SDK2: variants seen among roughly 807,000 people sequenced by gnomAD.
SDK2 encodes sidekick cell adhesion molecule 2, also known as protein sidekick-2.
SDK2 carries 105 observed loss-of-function variants against 253.9 expected under a neutral mutation model. The ratio of observed to expected loss-of-function variants is 0.41; its 90% CI spans 0.35 to 0.49. The LOEUF (loss-of-function observed/expected upper bound fraction) is 0.49, where lower values mean the gene tolerates loss of function less well. Among genes scored for constraint, SDK2 ranks in the 20% least tolerant of loss-of-function variants. The probability of loss-of-function intolerance (pLI) is 0.06; values close to 1 mark genes in which losing one functional copy is unlikely to be tolerated. For synonymous variants in SDK2, 1,249 were observed against 1,234.9 expected, an observed-to-expected ratio of 1.01 and a Z score of -0.24; for missense variants, 2,608 against 3,003.0, an observed-to-expected ratio of 0.87 and a Z score of 3.07.
chr17:73,568,152 C>A (rs996140346), intron 1 of SDK2, among the ~76,000 whole-genome samples: 1 of 152,166 alleles, frequency 6.6e-6, no homozygotes, highest in Admixed American at 6.5e-5. Flanking sequence ...TCCCTTGGTG[C>A]CCTTCCCACG....
intron 12 of SDK2, 81 bp downstream of exon 12, chr17:73,430,430 A>T: frequency 9.4e-7 from 1 of 1,069,222 alleles, no homozygotes; most frequent in Non-Finnish European, 1.4e-6. Flanking sequence ...TACCTCCCTA[A>T]TGTGGACACT....
At chr17:73,420,327 T>G (rs929198446) in intron 15 of SDK2, among the ~76,000 whole-genome samples, 2 of 152,252 alleles carry the variant, frequency 1.3e-5, no homozygotes, top group African/African-American at 4.8e-5. Context: ...TTCCTAAGCA[T>G]GCTGCTCGCT....
rs967495084 is a variant in SDK2 at position 73,336,600 on chromosome 17, C to G, written c.*1987G>C. On this transcript the variant is annotated 3_prime_UTR_variant, in exon 45 of 45. Transcript: ENST00000392650. ...GTGCCCGTTCTTTGGGCCCCAGACC[C>G]TGACTTCCCTTCCCGGTCACCATTA... is the stretch of plus-strand genomic sequence containing the variant. The G allele has an allele frequency of 1.3e-5, 2 of 152,700 alleles. No individual in the cohort carries two copies. Among genetic ancestry groups the G allele is most frequent in the African/African-American group, 4.8e-5 (2 of 41,456 alleles). The allele number at this position is 152,700 out of a possible 1,614,324, so 9.5% of individuals were successfully genotyped here. A position where few individuals can be genotyped will look rare whatever the true frequency, so the allele number is the denominator to read the frequency against.
intron 1 of SDK2, among the ~76,000 whole-genome samples, chr17:73,548,723 G>A (rs573258628): frequency 4.6e-5 from 7 of 152,328 alleles, no homozygotes; most frequent in Admixed American, 1.3e-4. Flanking sequence ...CCCAGTCCTT[G>A]CACACTGTCT....
At chr17:73,584,221 G>T (rs1002840543) in intron 1 of SDK2, among the ~76,000 whole-genome samples, 37 of 152,320 alleles carry the variant, frequency 2.4e-4, no homozygotes, top group Middle Eastern at 3.4e-3. Context: ...CGCCTGCTCT[G>T]CACACCTTCT....
chr17:73,493,293 C>T (rs1432541751), intron 2 of SDK2, among the ~76,000 whole-genome samples: 1 of 152,216 alleles, frequency 6.6e-6, no homozygotes, highest in African/African-American at 2.4e-5. Context: ...TAAATAGCCT[C>T]AGTTCATCAG....
intron 1 of SDK2, among the ~76,000 whole-genome samples, chr17:73,509,687 T>G (rs1383844735): frequency 6.8e-6 from 1 of 146,674 alleles, no homozygotes; most frequent in African/African-American, 2.5e-5. Context: ...TTGCCTGAGA[T>G]CAGGAGTAAC....
chr17:73,604,120 G>A (rs983678661), intron 1 of SDK2, among the ~76,000 whole-genome samples: 4 of 152,258 alleles, frequency 2.6e-5, no homozygotes, highest in Non-Finnish European at 5.9e-5. Flanking sequence ...GGCCAGGAGA[G>A]TGTTTATTTC....
At chr17:73,502,364 G>C (rs1422755421) in intron 2 of SDK2, among the ~76,000 whole-genome samples, 1 of 152,168 alleles carries the variant, frequency 6.6e-6, no homozygotes, top group Non-Finnish European at 1.5e-5. Flanking sequence ...AGAGCCGTGG[G>C]CTATGAAGCT....
chr17:73,419,417 C>T, intron 15 of SDK2, 111 bp from the exon 16 acceptor site: 1 of 1,205,034 alleles, frequency 8.3e-7, no homozygotes, highest in Non-Finnish European at 1.2e-6. Flanking sequence ...TTCGGTACAA[C>T]TGCTGTGTGC....
intron 2 of SDK2, among the ~76,000 whole-genome samples, chr17:73,488,592 CTTT>C (rs35545969): frequency 1.4e-5 from 2 of 143,508 alleles, no homozygotes. Flanking sequence ...GGTGTTGCAA[CTTT>C]TTTTTTTTTT....
At position 73,534,847 on chromosome 17, in the gene SDK2, C is replaced by T. The variant is rs1369789317; in HGVS notation, c.65-27250G>A. Among the ~76,000 whole-genome samples the T allele has an allele frequency of 6.6e-6, 1 of 152,144 alleles. No homozygotes were observed. Among genetic ancestry groups the T allele is most frequent in the Non-Finnish European group, 1.5e-5 (1 of 68,036 alleles). On this transcript the variant is annotated intron_variant, in intron 1 of 44. Coordinates refer to ENST00000392650, the MANE Select transcript of SDK2 (RefSeq NM_001144952.2). The surrounding 1 kb of genome is among the most constrained non-coding windows in gnomAD (Gnocchi z 4.9). ...GGCAGCGGGCCGGGCTCCCTGGACTCCTTTGCATCTTCTAGGCCTCCTTGT... is the reference window on the plus strand; with the variant it reads ...GGCAGCGGGCCGGGCTCCCTGGACTTCTTTGCATCTTCTAGGCCTCCTTGT...
At chr17:73,390,824 G>A (rs947381399) in intron 28 of SDK2, among the ~76,000 whole-genome samples, 4 of 152,220 alleles carry the variant, frequency 2.6e-5, no homozygotes, top group African/African-American at 7.2e-5. Flanking sequence ...CTGGGCTAAT[G>A]CACTTGTCCT....
At chr17:73,636,405 G>A (rs1327991607) in intron 1 of SDK2, among the ~76,000 whole-genome samples, 1 of 152,086 alleles carries the variant, frequency 6.6e-6, no homozygotes, top group African/African-American at 2.4e-5. Flanking sequence ...AAAATGGGGT[G>A]AGCCAAGTGC....
At chr17:73,444,249 G>T (rs978441252) in intron 5 of SDK2, among the ~76,000 whole-genome samples, 1 of 152,190 alleles carries the variant, frequency 6.6e-6, no homozygotes, top group African/African-American at 2.4e-5. Context: ...ACCGGGCAAG[G>T]CCTCAGGCAT....
At chr17:73,359,884 C>T (rs2062626806) in intron 39 of SDK2, among the ~76,000 whole-genome samples, 1 of 152,192 alleles carries the variant, frequency 6.6e-6, no homozygotes, top group African/African-American at 2.4e-5. Context: ...TCAGGCAATC[C>T]ACCCGCCTCC....
intron 14 of SDK2, among the ~76,000 whole-genome samples, chr17:73,423,041 A>AATAAATAGATAG (rs61207815): frequency 5.9e-5 from 9 of 151,372 alleles, no homozygotes; most frequent in East Asian, 1.9e-4. Context: ...TAAATAAATA[A>AATAAATAGATAG]ATAATAAATA....
intron 1 of SDK2, among the ~76,000 whole-genome samples, chr17:73,625,893 C>T (rs867038312): frequency 2.0e-4 from 31 of 152,344 alleles, no homozygotes; most frequent in South Asian, 8.3e-4. Context: ...GATCCACCCA[C>T]CTCAGCCTCC....
chr17:73,615,237 G>T (rs777444868), intron 1 of SDK2, among the ~76,000 whole-genome samples: 2 of 152,100 alleles, frequency 1.3e-5, no homozygotes, highest in Non-Finnish European at 2.9e-5. Flanking sequence ...TGACTTTAAC[G>T]TTCTGCTGTC....
Sources: gnomAD v4.1 joint callset for allele counts (sites outside exome capture counted in the v4.1 genomes callset) on GRCh38, gnomAD v4.1.1 for gene constraint, Gnocchi (gnomAD v3.1) non-coding constraint, MANE v1.5 for transcripts, NCBI Gene and HGNC (gene_info 2026-07-23, HGNC 2026-07-21) for gene names.